Variants in RAD18 observed in about 807,000 individuals in gnomAD.
RAD18 encodes E3 ubiquitin-protein ligase RAD18.
Under a neutral mutation model 60.4 loss-of-function variants are expected in RAD18, and 47 were observed. That is an observed-to-expected ratio of 0.78 (90% confidence interval 0.62 to 0.99). The LOEUF is 0.99. RAD18 is among the 50% of genes least tolerant of loss of function. The pLI is 0.00. For missense variants in RAD18, 640 were observed against 593.3 expected (o/e 1.08, Z -0.82); for synonymous variants, 225 against 195.5 (o/e 1.15, Z -1.26).
At chr3:8,918,921 T>C (rs1355656599) in intron 7 of RAD18, among the ~76,000 whole-genome samples, 1 of 152,164 alleles carries the variant, frequency 6.6e-6, no homozygotes, top group Non-Finnish European at 1.5e-5. Flanking sequence ...CTCAGACTTC[T>C]ACACCCCATC....
Position 8,915,467 on chromosome 3 carries a change from G to C in RAD18, c.890-1747C>G, listed in dbSNP as rs562217904. ...TTGGTACCACCCTATCTCTGGGTAA[G>C]ATCTCAGCTAAACTTTTTGATGAAC... On this transcript the variant is annotated intron_variant, in intron 7 of 12. Transcript: ENST00000264926. 2.3e-4 allele frequency among the ~76,000 whole-genome samples: 35 copies of C among 152,176 alleles called. No individual in the cohort carries two copies. In the South Asian group the frequency reaches 6.6e-3, roughly 29 times the overall value.
intron 7 of RAD18, among the ~76,000 whole-genome samples, chr3:8,921,314 C>A (rs1380970530): frequency 6.6e-6 from 1 of 152,088 alleles, no homozygotes; most frequent in African/African-American, 2.4e-5. Context: ...TTCAGACAAA[C>A]AGAAGCTGAG....
intron 9 of RAD18, among the ~76,000 whole-genome samples, chr3:8,908,098 A>G (rs1441624457): frequency 6.6e-6 from 1 of 152,102 alleles, no homozygotes; most frequent in Non-Finnish European, 1.5e-5. Flanking sequence ...TCTCTTTTCC[A>G]AGACCCTGCC....
chr3:8,939,579 C>T lies in RAD18; in HGVS notation c.679G>A (p.Glu227Lys), dbSNP rs781347031. The T allele has an allele frequency of 9.9e-6, 16 of 1,612,728 alleles. No homozygotes were observed. The highest frequency in any genetic ancestry group is 1.6e-4 in the Middle Eastern group (1 of 6,082). ...CTTCTGAGGCTTTCCTTCTTCTCTT[C>T]GCGTGATAAACAGCTGTCTAAATGC... ...NKHLDSCLSR[E>K]EKKESLRSSV... The change falls in exon 6 of 13, where the codon GAA becomes AAA. Residue 227 changes from glutamate (E) to lysine (K), a missense_variant. Transcript: ENST00000264926.
At chr3:8,889,504 C>A (rs1486930199) in intron 12 of RAD18, among the ~76,000 whole-genome samples, 1 of 152,108 alleles carries the variant, frequency 6.6e-6, no homozygotes, top group Non-Finnish European at 1.5e-5. Context: ...AAGAGATGGA[C>A]ACAGTGCTGT....
intron 9 of RAD18, among the ~76,000 whole-genome samples, chr3:8,904,722 T>C (rs910366548): frequency 5.9e-5 from 9 of 152,304 alleles, no homozygotes; most frequent in South Asian, 2.1e-4. Context: ...CATCATTATG[T>C]AGTTTCTATT....
At position 8,941,500 on chromosome 3, in the gene RAD18, G is replaced by C. The variant is rs551688213; in HGVS notation, c.571C>G (p.Pro191Ala). 6.2e-7 allele frequency: 1 copy of C among 1,612,242 alleles called. No individual in the cohort carries two copies. The highest frequency in any genetic ancestry group is 8.5e-7 in the Non-Finnish European group (1 of 1,178,882). The change falls in exon 5 of 13, where the codon CCC (proline) becomes GCC (alanine). Residue 191 changes from proline (P) to alanine (A), a missense_variant. Transcript: ENST00000264926. ...ACTTGTTTCAAAGTGGATGTCGAGG[G>C]TGGCTCAGGACGCTTAGCCTCTGAG... is the stretch of plus-strand genomic sequence containing the variant. ...DPSEAKRPEPPSTSTLKQVTK... is the reference protein window; with the variant it reads ...DPSEAKRPEPASTSTLKQVTK...
chr3:8,941,866 G>C (rs1940753539), intron 4 of RAD18, 62 bp from the exon 5 acceptor site: 1 of 1,413,518 alleles, frequency 7.1e-7, no homozygotes, highest in Admixed American at 2.1e-5. Flanking sequence ...TAAATTAACT[G>C]ACATAAGCTG....
chr3:8,897,076 C>T (rs985360367), intron 11 of RAD18, among the ~76,000 whole-genome samples: 1 of 152,046 alleles, frequency 6.6e-6, no homozygotes, highest in Non-Finnish European at 1.5e-5. Context: ...GCTTAAGAAA[C>T]AAAAGATTAT....
Position 8,887,242 on chromosome 3 carries a change from A to T in RAD18, c.1385+3147T>A, listed in dbSNP as rs553110615. 4.6e-5 allele frequency among the ~76,000 whole-genome samples: 7 copies of T among 152,326 alleles called. No individual in the cohort carries two copies. In the East Asian group the frequency reaches 1.4e-3, roughly 29 times the overall value. On this transcript the variant is annotated intron_variant, in intron 12 of 12. Transcript: ENST00000264926. Reference sequence around the variant, plus strand: ...CTAACAAGTCCTCCAGGTGATTTTAAGTCTGTGAACCACTTATTTATAGGA... The same window carrying T: ...CTAACAAGTCCTCCAGGTGATTTTATGTCTGTGAACCACTTATTTATAGGA...
intron 7 of RAD18, among the ~76,000 whole-genome samples, chr3:8,918,324 A>G (rs1197870570): frequency 2.0e-5 from 3 of 146,824 alleles, no homozygotes; most frequent in African/African-American, 8.1e-5. Flanking sequence ...ATCTCAAAAA[A>G]AAAAAAAAAA....
rs188937834 is a variant in RAD18, at chr3:8,923,471, C to G, written c.890-9751G>C. On this transcript the variant is annotated intron_variant, in intron 7 of 12. Coordinates refer to ENST00000264926, the MANE Select transcript of RAD18 (RefSeq NM_020165.4). Reference sequence around the variant, plus strand: ...CCTGAAAGTGACGGGGAGAATGGAACCAAGTTGGAAAACACTCTGCAGGAT... The same window carrying G: ...CCTGAAAGTGACGGGGAGAATGGAAGCAAGTTGGAAAACACTCTGCAGGAT... Among the ~76,000 whole-genome samples, 1,179 of 152,200 alleles carry G rather than the reference C, an allele frequency of 7.7e-3. 17 individuals carry two copies. The highest frequency in any genetic ancestry group is 0.026 in the African/African-American group (1,066 of 41,518).
intron 2 of RAD18, among the ~76,000 whole-genome samples, chr3:8,952,698 T>G (rs758494440): frequency 2.6e-5 from 4 of 152,208 alleles, no homozygotes; most frequent in Non-Finnish European, 5.9e-5. Context: ...TCTAAGCACT[T>G]TACATGTATT....
chr3:8,911,892 G>A (rs138478112), intron 9 of RAD18, among the ~76,000 whole-genome samples: 28 of 152,286 alleles, frequency 1.8e-4, no homozygotes, highest in African/African-American at 6.0e-4. Flanking sequence ...AAAGTTGGGA[G>A]GTTGCTAACA....
chr3:8,915,632 G>A (rs533635087), intron 7 of RAD18, among the ~76,000 whole-genome samples: 111 of 149,842 alleles, frequency 7.4e-4, no homozygotes, highest in South Asian at 4.5e-3. Context: ...CACCCAGGAC[G>A]GAGTGCAGTG....
At chr3:8,909,882 C>T (rs1266044272) in intron 9 of RAD18, among the ~76,000 whole-genome samples, 2 of 152,194 alleles carry the variant, frequency 1.3e-5, no homozygotes, top group African/African-American at 2.4e-5. Flanking sequence ...TTTACAAATT[C>T]GTTTTGGGCT....
At chr3:8,949,952 C>A (rs901432791) in intron 2 of RAD18, among the ~76,000 whole-genome samples, 11 of 152,212 alleles carry the variant, frequency 7.2e-5, no homozygotes, top group African/African-American at 2.4e-4. Context: ...TGGAGAAAAA[C>A]CCCCCAGTCC....
At chr3:8,962,439 G>T (rs1941106318) in intron 1 of RAD18, among the ~76,000 whole-genome samples, 1 of 152,144 alleles carries the variant, frequency 6.6e-6, no homozygotes, top group African/African-American at 2.4e-5. Context: ...GAAGAACAAG[G>T]CCTTCTACTT....
chr3:8,950,517 CA>C (rs1559799285), intron 2 of RAD18, among the ~76,000 whole-genome samples: 2 of 152,160 alleles, frequency 1.3e-5, no homozygotes, highest in Non-Finnish European at 2.9e-5. Flanking sequence ...ATTCACAGTC[CA>C]GGGGCAAAGT....
Sources: gnomAD v4.1 joint callset for allele counts (sites outside exome capture counted in the v4.1 genomes callset) on GRCh38, gnomAD v4.1.1 for gene constraint, MANE v1.5 for transcripts, NCBI Gene and HGNC (gene_info 2026-07-23, HGNC 2026-07-21) for gene names.